Variants in ANKS1B observed in about 807,000 individuals in gnomAD.
ANKS1B encodes the protein ankyrin repeat and sterile alpha motif domain-containing protein 1B.
In ANKS1B, 36 loss-of-function variants were observed where a neutral mutation model predicts 148.3. That is an observed-to-expected ratio of 0.24 (90% CI 0.19 to 0.32). The LOEUF is 0.32. ANKS1B is among the 10% of genes least tolerant of loss of function. The probability of loss-of-function intolerance (pLI) is 1.00; values close to 1 mark genes in which losing one functional copy is unlikely to be tolerated. For missense variants in ANKS1B, 1,157 were observed against 1,542.6 expected (o/e 0.75, Z 4.19); for synonymous variants, 542 against 560.8 (o/e 0.97, Z 0.47).
At chr12:99,958,344 C>T (rs765514362) in intron 1 of ANKS1B, among the ~76,000 whole-genome samples, 6 of 152,110 alleles carry the variant, frequency 3.9e-5, no homozygotes, top group Non-Finnish European at 8.8e-5. Flanking sequence ...AGAGTATGGA[C>T]TTTATTCATT....
At chr12:99,669,042 T>C (rs928103877) in intron 8 of ANKS1B, among the ~76,000 whole-genome samples, 2 of 152,210 alleles carry the variant, frequency 1.3e-5, no homozygotes, top group African/African-American at 2.4e-5. Flanking sequence ...AACCTTTGAG[T>C]ATATCAAGCA....
chr12:99,058,719 CTTTTTTTTTTTTTTTTTTTT>C lies in ANKS1B; in HGVS notation c.2626-5430_2626-5411del, dbSNP rs869064302. Among the ~76,000 whole-genome samples the C allele has an allele frequency of 1.4e-4, 11 of 80,678 alleles. No individual in the cohort carries two copies. In the South Asian group the frequency reaches 1.7e-3, roughly 12 times the overall value. The allele number at this position is 80,678 out of a possible 152,430, so 52.9% of individuals were successfully genotyped here. Reference sequence around the variant, plus strand: ...TTCTCCTAATGAAATTCTATCTATCCTTTTTTTTTTTTTTTTTTTTTTTTTTTTTTTTTTTTGAGACGGAG... The same window carrying C: ...TTCTCCTAATGAAATTCTATCTATCCTTTTTTTTTTTTTTTTGAGACGGAG... On this transcript the variant is annotated intron_variant, in intron 16 of 26. Coordinates refer to ENST00000683438, the MANE Select transcript of ANKS1B (RefSeq NM_001352186.2).
intron 1 of ANKS1B, among the ~76,000 whole-genome samples, chr12:99,957,056 C>CA (rs764541580): frequency 2.8e-4 from 43 of 152,290 alleles, no homozygotes; most frequent in Admixed American, 5.2e-4. Context: ...ACGTGATGTT[C>CA]AACCTCTTCT....
intron 9 of ANKS1B, among the ~76,000 whole-genome samples, chr12:99,520,774 C>T (rs1318805111): frequency 6.6e-6 from 1 of 151,914 alleles, no homozygotes; most frequent in Non-Finnish European, 1.5e-5. Flanking sequence ...TTTGCTTCCT[C>T]TGACTGTGTT....
chr12:99,823,109 A>T (rs372213747), intron 2 of ANKS1B, among the ~76,000 whole-genome samples: 3 of 152,194 alleles, frequency 2.0e-5, no homozygotes, highest in African/African-American at 7.2e-5. Context: ...GTGTCTGTTC[A>T]CGTCTTCTGA....
rs531558926 is a variant in ANKS1B at position 99,084,858 on chromosome 12, T to C, written c.2625+67A>G. On this transcript the variant is annotated intron_variant, in intron 16 of 26. Transcript: ENST00000683438. ...CTACTGTACTAAATACAAATACTCC[T>C]TGCATGCCTGGACTCAAAATCACTG... 17 of 1,270,150 alleles carry C rather than the reference T, an allele frequency of 1.3e-5. No homozygotes were observed. The African/African-American group carries it at 1.6e-4, about 12-fold the overall frequency. 78.7% of individuals were successfully genotyped at this position (1,270,150 alleles called of 1,614,324 possible).
intron 12 of ANKS1B, among the ~76,000 whole-genome samples, chr12:99,280,832 T>C (rs1184854136): frequency 1.3e-5 from 2 of 151,526 alleles, no homozygotes; most frequent in African/African-American, 4.9e-5. Context: ...GCCAATTCCT[T>C]ATAATAAATC....
intron 17 of ANKS1B, among the ~76,000 whole-genome samples, chr12:98,980,083 C>T (rs1259459816): frequency 6.6e-6 from 1 of 152,176 alleles, no homozygotes; most frequent in Non-Finnish European, 1.5e-5. Context: ...GTCACGTTTT[C>T]ATGTCAGATA....
intron 1 of ANKS1B, among the ~76,000 whole-genome samples, chr12:99,834,957 T>C (rs556049878): frequency 3.7e-4 from 57 of 152,336 alleles, no homozygotes; most frequent in African/African-American, 1.3e-3. Flanking sequence ...TGTGTCTTAA[T>C]AGTTTACTTC....
chr12:98,791,074 T>C (rs2098844642), intron 22 of ANKS1B, among the ~76,000 whole-genome samples: 1 of 152,110 alleles, frequency 6.6e-6, no homozygotes, highest in Non-Finnish European at 1.5e-5. Context: ...AGGCTGGGCG[T>C]GGTGGCTCAC....
At chr12:99,591,077 G>A (rs1312151290) in intron 9 of ANKS1B, among the ~76,000 whole-genome samples, 3 of 151,600 alleles carry the variant, frequency 2.0e-5, no homozygotes, top group Non-Finnish European at 4.4e-5. Flanking sequence ...CCATAGCACT[G>A]GTATTGTGCT....
In ANKS1B at chr12:99,280,840, A is replaced by ATCTC. The variant is rs142595888; in HGVS notation, c.1757-33980_1757-33977dup. The stretch of plus-strand genomic sequence containing the variant: ...AGCATGAGCCAATTCCTTATAATAA[A>ATCTC]TCTCTCTCTCTCTCTCTCTCTCTCT... On this transcript the variant is annotated intron_variant, in intron 12 of 26. Coordinates refer to ENST00000683438, the MANE Select transcript of ANKS1B (RefSeq NM_001352186.2). 8.6e-3 allele frequency among the ~76,000 whole-genome samples: 1,237 copies of ATCTC among 144,514 alleles called. 17 individuals are homozygous for ATCTC. Among genetic ancestry groups the ATCTC allele is most frequent in the African/African-American group, 0.028 (1,111 of 39,192 alleles). The allele number at this position is 144,514 out of a possible 152,430, so 94.8% of individuals were successfully genotyped here.
chr12:99,564,642 T>A (rs1321397363), intron 9 of ANKS1B, among the ~76,000 whole-genome samples: 1 of 152,158 alleles, frequency 6.6e-6, no homozygotes, highest in Non-Finnish European at 1.5e-5. Context: ...ATCCTAATAA[T>A]GACACATTTT....
At chr12:99,409,688 G>A (rs1176433357) in intron 11 of ANKS1B, among the ~76,000 whole-genome samples, 1 of 151,936 alleles carries the variant, frequency 6.6e-6, no homozygotes, top group African/African-American at 2.4e-5. Context: ...TCTATGTGGA[G>A]AAATGGAATA....
chr12:99,558,333 C>T (rs2097299284), intron 9 of ANKS1B, among the ~76,000 whole-genome samples: 1 of 152,132 alleles, frequency 6.6e-6, no homozygotes, highest in Non-Finnish European at 1.5e-5. Context: ...TCAGGAGGAG[C>T]AGGATAGCAT....
intron 12 of ANKS1B, among the ~76,000 whole-genome samples, chr12:99,367,150 G>T (rs2092813378): frequency 6.6e-6 from 1 of 152,056 alleles, no homozygotes; most frequent in Non-Finnish European, 1.5e-5. Flanking sequence ...AGTGAGGAGG[G>T]AGGCAAAATC....
chr12:99,596,649 A>G (rs527934601), intron 9 of ANKS1B, among the ~76,000 whole-genome samples: 1 of 152,050 alleles, frequency 6.6e-6, no homozygotes, highest in South Asian at 2.1e-4. Flanking sequence ...ACCAAAAAAT[A>G]AACTTTGTCT....
At chr12:98,875,990 C>A (rs1313866195) in intron 17 of ANKS1B, among the ~76,000 whole-genome samples, 3 of 152,128 alleles carry the variant, frequency 2.0e-5, no homozygotes, top group Non-Finnish European at 4.4e-5. Context: ...TTAGATCAGA[C>A]CCTGCAGGAA....
At chr12:99,755,427 C>T (rs1464833619) in intron 8 of ANKS1B, among the ~76,000 whole-genome samples, 1 of 152,040 alleles carries the variant, frequency 6.6e-6, no homozygotes, top group South Asian at 2.1e-4. Flanking sequence ...CAAAGAAGAA[C>T]CAGTACCATT....
Sources: allele counts gnomAD v4.1 joint callset (sites outside exome capture counted in the v4.1 genomes callset), GRCh38; gene constraint gnomAD v4.1.1; transcripts MANE v1.5; gene names NCBI Gene and HGNC (gene_info 2026-07-23, HGNC 2026-07-21).